Variants in CPNE4 observed in about 807,000 individuals in gnomAD.
The protein encoded by CPNE4 is copine 4.
In CPNE4, 25 loss-of-function variants were observed where a neutral mutation model predicts 67.9. The observed-to-expected ratio is 0.37, with a 90% CI of 0.27 to 0.51. The LOEUF (loss-of-function observed/expected upper bound fraction) is 0.51, where lower values mean the gene tolerates loss of function less well. CPNE4 is among the 20% of genes least tolerant of loss of function. The probability of loss-of-function intolerance (pLI) is 0.93; values close to 1 mark genes in which losing one functional copy is unlikely to be tolerated. For synonymous variants in CPNE4, 242 were observed against 244.9 expected, an observed-to-expected ratio of 0.99 and a Z score of 0.11; for missense variants, 464 against 690.8, an observed-to-expected ratio of 0.67 and a Z score of 3.68.
At chr3:131,675,941 T>A (rs1175027992) in intron 6 of CPNE4, among the ~76,000 whole-genome samples, 1 of 144,630 alleles carries the variant, frequency 6.9e-6, no homozygotes. Flanking sequence ...CTGGTTTATG[T>A]TTTTTTAAAT....
rs2087593534 is a variant in CPNE4, at chr3:131,879,629, G to A, written c.180+25635C>T. Among the ~76,000 whole-genome samples the A allele has an allele frequency of 2.0e-5, 3 of 152,132 alleles. No individual in the cohort carries two copies. The South Asian group carries it at 6.2e-4, about 32-fold the overall frequency. On this transcript the variant is annotated intron_variant, in intron 2 of 15. Coordinates refer to ENST00000429747, the MANE Select transcript of CPNE4 (RefSeq NM_130808.3). ...AATTCAAAGCCCATCGGCCCCCTAT[G>A]ATGACTACAGACTCCCCTTCTCAAA...
intron 2 of CPNE4, among the ~76,000 whole-genome samples, chr3:131,812,547 C>T (rs146293571): frequency 3.9e-5 from 6 of 152,348 alleles, no homozygotes; most frequent in Admixed American, 3.9e-4. Context: ...TTTCAGAGCT[C>T]TGCCTTGAGA....
intron 9 of CPNE4, 129 bp downstream of exon 9, chr3:131,581,450 T>G (rs1937830746): frequency 1.2e-5 from 8 of 658,632 alleles, no homozygotes; most frequent in Non-Finnish European, 1.9e-5. Flanking sequence ...CTTTAATACA[T>G]GACTTTTTAA....
intron 1 of CPNE4, among the ~76,000 whole-genome samples, chr3:131,986,855 AAAAC>A (rs1425205079): frequency 1.4e-4 from 14 of 101,538 alleles, no homozygotes; most frequent in Admixed American, 1.3e-3. Context: ...AAAAAAAACA[AAAAC>A]AAACAAACAA....
chr3:131,975,810 C>T (rs992301630), intron 1 of CPNE4, among the ~76,000 whole-genome samples: 19 of 151,824 alleles, frequency 1.3e-4, no homozygotes, highest in Middle Eastern at 3.2e-3. Context: ...GCCTAGTGTA[C>T]GCAGAACTTA....
chr3:131,818,898 A>G (rs112264038), intron 2 of CPNE4, among the ~76,000 whole-genome samples: 4,801 of 152,190 alleles, frequency 0.032, 176 homozygotes, highest in South Asian at 0.094. Flanking sequence ...TCAAGGGTTT[A>G]AGACCAGCCT....
chr3:131,622,935 T>C (rs1940554475), intron 7 of CPNE4, among the ~76,000 whole-genome samples: 1 of 152,220 alleles, frequency 6.6e-6, no homozygotes, highest in South Asian at 2.1e-4. Flanking sequence ...CTTTTTGTTG[T>C]TGCTGTTGTT....
chr3:132,011,706 G>A (rs924059723), intron 1 of CPNE4, among the ~76,000 whole-genome samples: 3 of 152,186 alleles, frequency 2.0e-5, no homozygotes, highest in African/African-American at 7.2e-5. Context: ...TTTCACTACT[G>A]TAATACTGCA....
chr3:132,021,839 C>T (rs1468650993), intron 1 of CPNE4, among the ~76,000 whole-genome samples: 1 of 152,110 alleles, frequency 6.6e-6, no homozygotes, highest in African/African-American at 2.4e-5. Context: ...TTGTAACCAC[C>T]TATTGGAAGT....
chr3:131,880,052 G>C (rs1306455820), intron 2 of CPNE4, among the ~76,000 whole-genome samples: 5 of 151,930 alleles, frequency 3.3e-5, no homozygotes, highest in Non-Finnish European at 1.5e-5. Flanking sequence ...GGAGCTTCAT[G>C]AGGACAGGGA....
At chr3:132,030,435 G>A (rs1306149580) in intron 1 of CPNE4, among the ~76,000 whole-genome samples, 1 of 152,208 alleles carries the variant, frequency 6.6e-6, no homozygotes, top group Non-Finnish European at 1.5e-5. Flanking sequence ...CATTTATTGG[G>A]TAAATATTGC....
intron 1 of CPNE4, among the ~76,000 whole-genome samples, chr3:131,928,934 T>A (rs1268550360): frequency 1.3e-5 from 2 of 152,150 alleles, no homozygotes; most frequent in Non-Finnish European, 2.9e-5. Context: ...CTCTGGATGG[T>A]GTCCTGTAGA....
chr3:131,797,969 C>T (rs1323422508), intron 2 of CPNE4, among the ~76,000 whole-genome samples: 1 of 152,300 alleles, frequency 6.6e-6, no homozygotes, highest in East Asian at 1.9e-4. Flanking sequence ...AGTGAGGGTT[C>T]TCTTCCTGGT....
chr3:131,977,520 C>T (rs2072694667), intron 1 of CPNE4, among the ~76,000 whole-genome samples: 1 of 151,972 alleles, frequency 6.6e-6, no homozygotes, highest in Admixed American at 6.6e-5. Context: ...AAAAAAGAAA[C>T]TATCTAGCCA....
intron 3 of CPNE4, among the ~76,000 whole-genome samples, chr3:131,719,361 TC>T (rs1302401100): frequency 6.6e-6 from 1 of 152,208 alleles, no homozygotes; most frequent in Non-Finnish European, 1.5e-5. Flanking sequence ...TTCCTGTCCT[TC>T]CCAGGCTGTC....
rs539739728 is a variant in CPNE4, at chr3:131,856,453, G to A, written c.180+48811C>T. ...AAGTTCAGATGTTTTAAAAAAAGGC[G>A]TCACTGTGAATGAGCCAGGAAATCA... On this transcript the variant is annotated intron_variant, in intron 2 of 15. Coordinates refer to ENST00000429747, the MANE Select transcript of CPNE4 (RefSeq NM_130808.3). Among the ~76,000 whole-genome samples the A allele has an allele frequency of 4.6e-5, 7 of 151,894 alleles. No homozygotes were observed. The South Asian group carries it at 1.0e-3, about 23-fold the overall frequency.
At chr3:131,716,293 A>G (rs2081684438) in intron 3 of CPNE4, among the ~76,000 whole-genome samples, 1 of 151,946 alleles carries the variant, frequency 6.6e-6, no homozygotes, top group South Asian at 2.1e-4. Context: ...TGGGGAAGTC[A>G]CTTTATCTTT....
chr3:132,018,119 C>T (rs2073924431), intron 1 of CPNE4, among the ~76,000 whole-genome samples: 1 of 152,186 alleles, frequency 6.6e-6, no homozygotes, highest in African/African-American at 2.4e-5. Context: ...TCCCTTTTCC[C>T]TCTAACAGAA....
intron 1 of CPNE4, among the ~76,000 whole-genome samples, chr3:131,991,780 G>A (rs1051652392): frequency 2.2e-5 from 3 of 134,702 alleles, no homozygotes; most frequent in South Asian, 2.7e-4. Flanking sequence ...GGGAAAAATT[G>A]TTTCCTAGGC....
Sources: gnomAD v4.1 joint callset for allele counts (sites outside exome capture counted in the v4.1 genomes callset) on GRCh38, gnomAD v4.1.1 for gene constraint, MANE v1.5 for transcripts, NCBI Gene and HGNC (gene_info 2026-07-23, HGNC 2026-07-21) for gene names.